AKR1B1: variants seen among roughly 807,000 people sequenced by gnomAD.
AKR1B1 encodes aldo-keto reductase family 1 member B.
A neutral mutation model predicts 40.4 loss-of-function variants in AKR1B1; 22 were observed. The ratio of observed to expected loss-of-function variants is 0.54; its 90% CI spans 0.39 to 0.78. The LOEUF (loss-of-function observed/expected upper bound fraction) is 0.78. AKR1B1 is among the 30% of genes least tolerant of loss of function. AKR1B1 has a pLI of 0.00. For synonymous variants in AKR1B1, 157 were observed against 149.9 expected, an observed-to-expected ratio of 1.05 and a Z score of -0.35; for missense variants, 357 against 396.7, an observed-to-expected ratio of 0.90 and a Z score of 0.85.
At chr7:134,454,023 A>G (rs1035687671) in intron 1 of AKR1B1, among the ~76,000 whole-genome samples, 1 of 152,206 alleles carries the variant, frequency 6.6e-6, no homozygotes, top group Admixed American at 6.5e-5. Flanking sequence ...ATTGACTTCT[A>G]AAAAGAAGGT....
Position 134,451,614 on chromosome 7 carries a change from T to C in AKR1B1, c.206A>G (p.Lys69Arg), listed in dbSNP as rs1246402712. 6.8e-6 allele frequency: 11 copies of C among 1,613,966 alleles called. No individual in the cohort carries two copies. Among genetic ancestry groups the C allele is most frequent in the Non-Finnish European group, 9.3e-6 (11 of 1,180,012 alleles). The change falls in exon 2 of 10, where the codon AAG (lysine) becomes AGG (arginine). Residue 69 changes from lysine to arginine, a missense_variant. Transcript: ENST00000285930. Reference protein sequence around the residue: ...IQEKLREQVVKREELFIVSKL... With the variant: ...IQEKLREQVVRREELFIVSKL... Reference sequence around the variant, plus strand: ...GCTGACGATGAAGAGCTCCTCACGCTTCACCACCTGCTCCCTGAGCTTCTC... The same window carrying C: ...GCTGACGATGAAGAGCTCCTCACGCCTCACCACCTGCTCCCTGAGCTTCTC...
intron 2 of AKR1B1, chr7:134,451,188 C>A: frequency 1.8e-6 from 1 of 555,190 alleles, no homozygotes; most frequent in Non-Finnish European, 3.2e-6. Flanking sequence ...TCCCCCCGGG[C>A]TGGTGTTTGT....
At chr7:134,449,461 C>T (rs1204353247) in intron 4 of AKR1B1, 2 of 575,718 alleles carry the variant, frequency 3.5e-6, no homozygotes, top group East Asian at 3.0e-5. Flanking sequence ...GTGGCGGGCA[C>T]CTGTAGTCCC....
chr7:134,455,446 T>TTACAATGACTTTTA (rs1200376661), intron 1 of AKR1B1, among the ~76,000 whole-genome samples: 2 of 152,138 alleles, frequency 1.3e-5, no homozygotes, highest in African/African-American at 4.8e-5. Flanking sequence ...CATAGGAGAC[T>TTACAATGACTTTTA]TACAATGACT....
intron 5 of AKR1B1, 121 bp from the exon 6 acceptor site, chr7:134,448,614 A>G: frequency 1.3e-6 from 1 of 771,568 alleles, no homozygotes; most frequent in Non-Finnish European, 2.3e-6. Flanking sequence ...TATAACAAAC[A>G]CCCTATTTCC....
intron 8 of AKR1B1, 94 bp from the exon 9 acceptor site, chr7:134,445,414 C>T: frequency 1.0e-6 from 1 of 1,001,114 alleles, no homozygotes. Flanking sequence ...TGGCTTTGAG[C>T]AGAGAGGAGC....
Position 134,447,582 on chromosome 7 carries a change from A to G in AKR1B1, c.742-201T>C, listed in dbSNP as rs931061814. On this transcript the variant is annotated intron_variant, in intron 7 of 9. Transcript: ENST00000285930. ...AGATCTGACTCCAGAGTCCTGCGCT[A>G]GCCACTGTGCCACACGCTTCAGTGT... The G allele has an allele frequency of 6.0e-6, 4 of 662,012 alleles. No homozygotes were observed. The African/African-American group carries it at 7.1e-5, about 12-fold the overall frequency. 41.0% of individuals were successfully genotyped at this position (662,012 alleles called of 1,614,324 possible). A position where few individuals can be genotyped will look rare whatever the true frequency, so the allele number is the denominator to read the frequency against.
chr7:134,458,408 C>T (rs1299938172), intron 1 of AKR1B1, among the ~76,000 whole-genome samples: 1 of 152,184 alleles, frequency 6.6e-6, no homozygotes, highest in African/African-American at 2.4e-5. Context: ...GCCTTGTTAA[C>T]AGCTGGGTCC....
chr7:134,459,053 G>A lies in AKR1B1; in HGVS notation c.10C>T (p.Arg4Cys), dbSNP rs772775959. The change falls in exon 1 of 10, where the codon CGT becomes TGT. Residue 4 changes from arginine (R) to cysteine (C), a missense_variant. Transcript: ENST00000285930. MAS[R>C]LLLNNGAKMP... is the part of the protein sequence containing the mutation. ...TTGGCGCCGTTGTTGAGCAGGAGAC[G>A]GCTTGCCATGGCTGCTGCGCTCCCC... 6.2e-6 allele frequency: 10 copies of A among 1,604,294 alleles called. No individual in the cohort carries two copies. Among genetic ancestry groups the A allele is most frequent in the African/African-American group, 2.7e-5 (2 of 74,786 alleles).
chr7:134,444,033 T>C (rs1806020998), intron 9 of AKR1B1, among the ~76,000 whole-genome samples: 2 of 152,156 alleles, frequency 1.3e-5, no homozygotes, highest in Non-Finnish European at 2.9e-5. Context: ...ACCACTGTGT[T>C]TCCTCAGCCC....
chr7:134,452,586 C>T (rs527682240), intron 1 of AKR1B1, among the ~76,000 whole-genome samples: 17 of 152,294 alleles, frequency 1.1e-4, no homozygotes, highest in East Asian at 3.9e-4. Context: ...CATGGCATCG[C>T]GCTTCACTGG....
At chr7:134,458,926 GTCCC>G in intron 1 of AKR1B1, 67 bp downstream of exon 1, 1 of 1,511,456 alleles carries the variant, frequency 6.6e-7, no homozygotes, top group Middle Eastern at 2.0e-4. Flanking sequence ...GTCACTCGGG[GTCCC>G]TCGCCAATAC....
chr7:134,454,028 G>A (rs1272949760), intron 1 of AKR1B1, among the ~76,000 whole-genome samples: 1 of 152,138 alleles, frequency 6.6e-6, no homozygotes, highest in Non-Finnish European at 1.5e-5. Flanking sequence ...CTTCTAAAAA[G>A]AAGGTAAACT....
intron 9 of AKR1B1, 192 bp downstream of exon 9, chr7:134,445,045 CG>C: frequency 1.5e-6 from 1 of 664,336 alleles, no homozygotes; most frequent in South Asian, 1.7e-5. Flanking sequence ...ATATCAAGAG[CG>C]GATCTCTTGG....
chr7:134,448,370 G>C lies in AKR1B1; in HGVS notation c.659+17C>G. 1.3e-6 allele frequency: 2 copies of C among 1,581,610 alleles called. No homozygotes were observed. Among genetic ancestry groups the C allele is most frequent in the Non-Finnish European group, 1.7e-6 (2 of 1,150,816 alleles). On this transcript the variant is annotated intron_variant, in intron 6 of 9. Transcript: ENST00000285930. ...TTCACCAAGTGACACAGGAGCATGA[G>C]CCTGTGGGAAGCTCACCAGGGCCTG...
intron 1 of AKR1B1, among the ~76,000 whole-genome samples, chr7:134,457,780 G>T (rs1806516540): frequency 6.6e-6 from 1 of 152,098 alleles, no homozygotes; most frequent in South Asian, 2.1e-4. Flanking sequence ...TGGGAGGAGC[G>T]CTTTGAGCCC....
intron 3 of AKR1B1, 86 bp from the exon 4 acceptor site, chr7:134,449,883 A>G (rs779198357): frequency 3.0e-5 from 33 of 1,084,018 alleles, no homozygotes; most frequent in South Asian, 2.1e-4. Flanking sequence ...ATCTAAAACA[A>G]TTCTAAACCA....
At chr7:134,453,084 C>T (rs565528891) in intron 1 of AKR1B1, among the ~76,000 whole-genome samples, 2 of 152,278 alleles carry the variant, frequency 1.3e-5, no homozygotes, top group South Asian at 2.1e-4. Context: ...GAGTGGTGTC[C>T]GGGCACAACC....
chr7:134,458,061 G>T (rs1173462026), intron 1 of AKR1B1, among the ~76,000 whole-genome samples: 1 of 152,182 alleles, frequency 6.6e-6, no homozygotes, highest in Non-Finnish European at 1.5e-5. Context: ...AATATAATAT[G>T]CAATACTTAG....
Sources: gnomAD v4.1 joint callset for allele counts (sites outside exome capture counted in the v4.1 genomes callset) on GRCh38, gnomAD v4.1.1 for gene constraint, MANE v1.5 for transcripts, NCBI Gene and HGNC (gene_info 2026-07-23, HGNC 2026-07-21) for gene names.